SORD: variants seen among roughly 807,000 people sequenced by gnomAD.
SORD encodes the protein sorbitol dehydrogenase.
A neutral mutation model predicts 35.6 loss-of-function variants in SORD; 18 were observed. The ratio of observed to expected loss-of-function variants is 0.51; its 90% CI spans 0.35 to 0.75. The LOEUF is 0.75. Ranked by LOEUF, SORD falls within the 30% of genes least tolerant of loss-of-function variation. The pLI is 0.01. For synonymous variants in SORD, 106 were observed against 152.9 expected (o/e 0.69, Z 2.26); for missense variants, 250 against 390.2 (o/e 0.64, Z 3.03).
Position 45,075,404 on chromosome 15 carries a change from G to A in SORD, c.*1874G>A, listed in dbSNP as rs1179495082. On this transcript the variant is annotated 3_prime_UTR_variant, in exon 9 of 9. Coordinates refer to ENST00000267814, the MANE Select transcript of SORD (RefSeq NM_003104.6). Reference sequence around the variant, plus strand: ...TTCAGCCAGGGCTTTAAGAGAGAAGGAAGCTGGGAGTGAGGGGCAGAGGCT... The same window carrying A: ...TTCAGCCAGGGCTTTAAGAGAGAAGAAAGCTGGGAGTGAGGGGCAGAGGCT... 7.5e-6 allele frequency: 1 copy of A among 132,776 alleles called. No individual in the cohort carries two copies. Among genetic ancestry groups the A allele is most frequent in the Non-Finnish European group, 1.5e-5 (1 of 67,152 alleles). The allele number at this position is 132,776 out of a possible 1,614,324, so 8.2% of individuals were successfully genotyped here.
rs1893558913 is a variant in SORD at position 45,074,210 on chromosome 15, T to A, written c.*680T>A. 6.8e-6 allele frequency: 1 copy of A among 146,046 alleles called. No individual in the cohort carries two copies. 9.0% of individuals were successfully genotyped at this position (146,046 alleles called of 1,614,324 possible). Reference sequence around the variant, plus strand: ...AGTAAGAGGACTACTCAGCACTGTTTGAAGATTGCCTCTTCTACAGCTTCT... The same window carrying A: ...AGTAAGAGGACTACTCAGCACTGTTAGAAGATTGCCTCTTCTACAGCTTCT... On this transcript the variant is annotated 3_prime_UTR_variant, in exon 9 of 9. Coordinates refer to ENST00000267814, the MANE Select transcript of SORD (RefSeq NM_003104.6).
At chr15:45,033,766 A>C (rs1892818542) in intron 1 of SORD, among the ~76,000 whole-genome samples, 1 of 147,122 alleles carries the variant, frequency 6.8e-6, no homozygotes, top group South Asian at 2.2e-4. Flanking sequence ...GAACAACAGA[A>C]AAATAACTGA....
intron 3 of SORD, among the ~76,000 whole-genome samples, chr15:45,049,741 C>T (rs181379534): frequency 6.6e-6 from 1 of 152,252 alleles, no homozygotes; most frequent in East Asian, 1.9e-4. Flanking sequence ...TATTACTGAT[C>T]TCTTTTGTTT....
At chr15:45,063,078 G>A (rs1299482449) in intron 4 of SORD, among the ~76,000 whole-genome samples, 3 of 144,504 alleles carry the variant, frequency 2.1e-5, no homozygotes, top group African/African-American at 5.3e-5. Flanking sequence ...GCTCTGGCTG[G>A]CAGTGGCAGT....
At chr15:45,055,662 C>T (rs922811055) in intron 3 of SORD, among the ~76,000 whole-genome samples, 1,959 of 152,262 alleles carry the variant, frequency 0.013, 51 homozygotes, top group African/African-American at 0.045. Context: ...CATCCTGATA[C>T]CAAAGCCGGG....
chr15:45,048,451 G>A (rs1176497168), intron 3 of SORD, among the ~76,000 whole-genome samples: 4 of 152,200 alleles, frequency 2.6e-5, no homozygotes, highest in Non-Finnish European at 5.9e-5. Context: ...GCTTACACCT[G>A]TAATCGCAGC....
At chr15:45,057,219 T>A (rs963205975) in intron 3 of SORD, among the ~76,000 whole-genome samples, 6 of 152,266 alleles carry the variant, frequency 3.9e-5, no homozygotes, top group African/African-American at 1.4e-4. Flanking sequence ...TCATTACTTA[T>A]GTATATCAAG....
Position 45,065,289 on chromosome 15 carries a change from C to G in SORD, c.444C>G (p.Thr148=). Residue 148 remains threonine (T), a synonymous_variant, in exon 5 of 9, where the codon ACC becomes ACG. Coordinates refer to ENST00000267814, the MANE Select transcript of SORD (RefSeq NM_003104.6). The part of the protein sequence containing the change: ...AFCYKLPDNV[T]FEEGALIEPL... ...TCCTCAGGCTTCCTGACAATGTCAC[C>G]TTTGAGGAAGGCGCCCTGATCGAGC... 1 of 1,613,834 alleles carries G rather than the reference C, an allele frequency of 6.2e-7. No individual in the cohort carries two copies. Among genetic ancestry groups the G allele is most frequent in the Non-Finnish European group, 8.5e-7 (1 of 1,179,854 alleles).
At chr15:45,040,630 T>C (rs898697146) in intron 2 of SORD, among the ~76,000 whole-genome samples, 189 bp downstream of exon 2, 3 of 152,234 alleles carry the variant, frequency 2.0e-5, no homozygotes, top group Admixed American at 2.0e-4. Flanking sequence ...GAAGTTTATC[T>C]TGGCTGCTAC....
At position 45,023,330 on chromosome 15, in the gene SORD, G is replaced by T. The variant is rs1223313766; in HGVS notation, c.47G>T (p.Gly16Val). 6.3e-7 allele frequency: 1 copy of T among 1,588,204 alleles called. No homozygotes were observed. The highest frequency in any genetic ancestry group is 1.4e-5 in the African/African-American group (1 of 73,468). ...KPNNLSLVVH[G>V]PGDLRLENYP... ...AACAACCTTTCCCTGGTGGTGCACG[G>T]ACCGGGGGACTTGCGCCTGGTAAGC... is the stretch of plus-strand genomic sequence containing the variant. Residue 16 changes from glycine (G) to valine (V), a missense_variant, in exon 1 of 9, where the codon GGA (glycine) becomes GTA (valine). Coordinates refer to ENST00000267814, the MANE Select transcript of SORD (RefSeq NM_003104.6).
intron 4 of SORD, among the ~76,000 whole-genome samples, chr15:45,061,912 C>T (rs1893319207): frequency 6.6e-6 from 1 of 152,132 alleles, no homozygotes; most frequent in Non-Finnish European, 1.5e-5. Context: ...AGCAACAACA[C>T]ACCATGACAG....
chr15:45,063,009 A>T lies in SORD; in HGVS notation c.425+1783A>T, dbSNP rs1893346796. On this transcript the variant is annotated intron_variant, in intron 4 of 8. Transcript: ENST00000267814. The stretch of plus-strand genomic sequence containing the variant: ...TCATGGCCTAGTGGTCTGGGCATGG[A>T]GGTGCAGGAGTAGGCCTGAAAGAGA... Among the ~76,000 whole-genome samples, 3 of 148,278 alleles carry T rather than the reference A, an allele frequency of 2.0e-5. No individual in the cohort carries two copies. The South Asian group carries it at 6.3e-4, about 31-fold the overall frequency.
At chr15:45,061,833 C>T (rs563259719) in intron 4 of SORD, among the ~76,000 whole-genome samples, 23 of 152,128 alleles carry the variant, frequency 1.5e-4, no homozygotes, top group African/African-American at 4.6e-4. Context: ...GGCGCCACTG[C>T]ACTCCAGCCT....
intron 5 of SORD, among the ~76,000 whole-genome samples, chr15:45,067,569 G>A (rs147682411): frequency 1.8e-3 from 281 of 152,208 alleles, no homozygotes; most frequent in African/African-American, 6.5e-3. Flanking sequence ...CTTTCATTCC[G>A]TGGGTCTGAT....
chr15:45,058,433 A>G (rs1893250934), intron 3 of SORD: 1 of 151,354 alleles, frequency 6.6e-6, no homozygotes, highest in African/African-American at 2.4e-5. Context: ...TGCACTAACC[A>G]CTCTTAACTG....
Position 45,023,345 on chromosome 15 carries a change from G to A in SORD, c.62G>A (p.Arg21His), listed in dbSNP as rs372388935. Residue 21 changes from arginine to histidine, a missense_variant, in exon 1 of 9, where the codon CGC becomes CAC. Around this residue, in one of 8 missense-constraint regions of SORD, gnomAD observed 43 missense variants for 30.6 expected, o/e 1.40. Transcript: ENST00000267814. ...GTGGTGCACGGACCGGGGGACTTGC[G>A]CCTGGTAAGCTGGGAAGGAGGGTGG... ...SLVVHGPGDL[R>H]LENYPIPEPG... is the part of the protein sequence containing the mutation. 1.1e-5 allele frequency: 18 copies of A among 1,575,384 alleles called. No individual in the cohort carries two copies. The Middle Eastern group carries it at 5.1e-4, about 44-fold the overall frequency.
intron 3 of SORD, among the ~76,000 whole-genome samples, chr15:45,052,714 C>T (rs1893144978): frequency 1.3e-5 from 2 of 152,152 alleles, no homozygotes; most frequent in Non-Finnish European, 2.9e-5. Context: ...GCCCCCACCA[C>T]CCAGAGACTG....
chr15:45,072,927 C>G (rs1434627425), intron 8 of SORD, among the ~76,000 whole-genome samples: 2 of 136,680 alleles, frequency 1.5e-5, no homozygotes, highest in Non-Finnish European at 3.0e-5. Flanking sequence ...GCTGGGACCC[C>G]TCTCCCCAGC....
chr15:45,034,358 C>T (rs1298751876), intron 1 of SORD, among the ~76,000 whole-genome samples: 1 of 152,106 alleles, frequency 6.6e-6, no homozygotes, highest in African/African-American at 2.4e-5. Context: ...CATCTTCCTT[C>T]CATTTCTGCT....
Sources: gnomAD v4.1 joint callset for allele counts (sites outside exome capture counted in the v4.1 genomes callset) on GRCh38, gnomAD v4.1.1 for gene constraint, gnomAD v4.1.1 regional missense constraint, MANE v1.5 for transcripts, NCBI Gene and HGNC (gene_info 2026-07-23, HGNC 2026-07-21) for gene names.